The following SOX5 variants were observed in gnomAD, a reference collection of about 807,000 sequenced individuals.
SOX5 encodes transcription factor SOX-5.
A neutral mutation model predicts 92.0 loss-of-function variants in SOX5; 9 were observed. That is an observed-to-expected ratio of 0.10 (90% CI 0.06 to 0.17). SOX5 has a LOEUF of 0.17. Among genes scored for constraint, SOX5 ranks in the 10% least tolerant of loss-of-function variants. The pLI is 1.00. For missense variants in SOX5, 642 were observed against 944.5 expected (o/e 0.68, Z 4.20); for synonymous variants, 344 against 336.3 (o/e 1.02, Z -0.25).
At chr12:24,157,282 T>C (rs1176098706) in intron 4 of SOX5, among the ~76,000 whole-genome samples, 3 of 152,126 alleles carry the variant, frequency 2.0e-5, no homozygotes, top group Admixed American at 2.0e-4. Flanking sequence ...TGAGCTAAAT[T>C]AATGCCCAGA....
chr12:23,539,912 G>A (rs1941553240), intron 13 of SOX5, among the ~76,000 whole-genome samples: 1 of 152,058 alleles, frequency 6.6e-6, no homozygotes, highest in Non-Finnish European at 1.5e-5. Context: ...GTTTCCATTT[G>A]GTGGTAAATC....
intron 1 of SOX5, among the ~76,000 whole-genome samples, chr12:24,456,049 A>G (rs376481365): frequency 6.6e-6 from 1 of 152,128 alleles, no homozygotes; most frequent in African/African-American, 2.4e-5. Flanking sequence ...CTTACTCCTC[A>G]CAGGTGTTAA....
At chr12:24,451,801 T>C (rs984138005) in intron 1 of SOX5, among the ~76,000 whole-genome samples, 2 of 152,182 alleles carry the variant, frequency 1.3e-5, no homozygotes, top group African/African-American at 4.8e-5. Flanking sequence ...GACTACTGCA[T>C]AGGGTTAGTA....
At chr12:24,043,093 G>A (rs1422546795) in intron 4 of SOX5, among the ~76,000 whole-genome samples, 1 of 152,098 alleles carries the variant, frequency 6.6e-6, no homozygotes, top group Non-Finnish European at 1.5e-5. Flanking sequence ...GGTTCATATT[G>A]TGTTGCAAAC....
At chr12:24,143,265 A>C (rs1319786987) in intron 4 of SOX5, among the ~76,000 whole-genome samples, 1 of 152,218 alleles carries the variant, frequency 6.6e-6, no homozygotes, top group African/African-American at 2.4e-5. Flanking sequence ...AAAAATATCT[A>C]GCATCCAATG....
At chr12:23,578,117 CAAAAAAAAAAAAAAAAA>C (rs1163938652) in intron 9 of SOX5, among the ~76,000 whole-genome samples, 7 of 34,886 alleles carry the variant, frequency 2.0e-4, no homozygotes, top group Admixed American at 5.6e-4. Context: ...GAGACTGTGT[CAAAAAAAAAAAAAAAAA>C]AAAAAAAAAA....
At chr12:23,960,781 T>C (rs1946845048) in intron 4 of SOX5, among the ~76,000 whole-genome samples, 7 of 151,854 alleles carry the variant, frequency 4.6e-5, no homozygotes, top group Admixed American at 4.6e-4. Context: ...GACATCAAAT[T>C]TCCTTTTGCT....
chr12:23,553,084 C>A (rs1565755745), intron 11 of SOX5, among the ~76,000 whole-genome samples: 2 of 151,864 alleles, frequency 1.3e-5, no homozygotes, highest in Non-Finnish European at 2.9e-5. Flanking sequence ...TTTCTCTATT[C>A]ATAAAAGATA....
chr12:24,536,410 C>T (rs1226737345), intron 1 of SOX5, among the ~76,000 whole-genome samples: 3 of 152,088 alleles, frequency 2.0e-5, no homozygotes, highest in Admixed American at 6.6e-5. Context: ...CCTTCAAAAG[C>T]GCTCCTTGCA....
At chr12:23,925,033 C>T (rs1488057179) in intron 1 of SOX5, among the ~76,000 whole-genome samples, 2 of 151,834 alleles carry the variant, frequency 1.3e-5, no homozygotes, top group African/African-American at 4.8e-5. Flanking sequence ...AAAAAGAAAA[C>T]CCAAGCCATG....
At chr12:23,871,770 T>G (rs956495373) in intron 2 of SOX5, among the ~76,000 whole-genome samples, 8 of 152,146 alleles carry the variant, frequency 5.3e-5, no homozygotes, top group African/African-American at 1.9e-4. Context: ...AATGTTCACT[T>G]GTTTTCTGTT....
chr12:23,736,948 C>T (rs1481510193), intron 5 of SOX5, among the ~76,000 whole-genome samples: 1 of 151,782 alleles, frequency 6.6e-6, no homozygotes, highest in African/African-American at 2.4e-5. Flanking sequence ...TTGCCTCAGC[C>T]TCCTAAAGTG....
chr12:23,814,854 T>C (rs1232239495), intron 3 of SOX5, among the ~76,000 whole-genome samples: 1 of 152,178 alleles, frequency 6.6e-6, no homozygotes, highest in Admixed American at 6.5e-5. Context: ...TTCTATTCAT[T>C]TTCCTTTTTC....
rs1170050418 is a variant in SOX5, at chr12:23,659,664, AAAC to A, written c.931+5777_931+5779del. On this transcript the variant is annotated intron_variant, in intron 7 of 14. Coordinates refer to ENST00000451604, the MANE Select transcript of SOX5 (RefSeq NM_006940.6). Reference sequence around the variant, plus strand: ...GAGCTCTAATAAAAGGACAAGTAAAAAACAACAACAGAAAAAGTTTAAAACTGG... The same window carrying A: ...GAGCTCTAATAAAAGGACAAGTAAAAAACAACAGAAAAAGTTTAAAACTGG... Among the ~76,000 whole-genome samples, 18 of 152,310 alleles carry A rather than the reference AAAC, an allele frequency of 1.2e-4. No homozygotes were observed. In the East Asian group the frequency reaches 1.5e-3, roughly 13 times the overall value.
chr12:24,002,473 G>A (rs1204136953), intron 4 of SOX5, among the ~76,000 whole-genome samples: 1 of 151,174 alleles, frequency 6.6e-6, no homozygotes, highest in African/African-American at 2.4e-5. Flanking sequence ...GATGATGAAA[G>A]CGAAAAATTC....
chr12:23,841,330 A>G (rs1341454680), intron 3 of SOX5, among the ~76,000 whole-genome samples: 2 of 152,146 alleles, frequency 1.3e-5, no homozygotes, highest in Non-Finnish European at 1.5e-5. Context: ...ATGTGGAACA[A>G]TAGAAACTTA....
At chr12:24,057,246 T>TA (rs759629618) in intron 4 of SOX5, among the ~76,000 whole-genome samples, 15 of 151,920 alleles carry the variant, frequency 9.9e-5, no homozygotes, top group Non-Finnish European at 2.1e-4. Flanking sequence ...AAGGAATTGA[T>TA]AAAAAACCTA....
intron 1 of SOX5, among the ~76,000 whole-genome samples, chr12:24,378,172 C>T (rs987022349): frequency 1.4e-4 from 21 of 152,310 alleles, no homozygotes; most frequent in South Asian, 4.1e-4. Flanking sequence ...AGTCAAATTT[C>T]GTCTTTGTGT....
At chr12:24,443,037 C>A (rs540256017) in intron 1 of SOX5, among the ~76,000 whole-genome samples, 3 of 150,320 alleles carry the variant, frequency 2.0e-5, no homozygotes, top group African/African-American at 7.4e-5. Flanking sequence ...CTGCCACCTC[C>A]GCCTCCTGGA....
Sources: gnomAD v4.1 joint callset for allele counts (sites outside exome capture counted in the v4.1 genomes callset) on GRCh38, gnomAD v4.1.1 for gene constraint, MANE v1.5 for transcripts, NCBI Gene and HGNC (gene_info 2026-07-23, HGNC 2026-07-21) for gene names.